Variants in PCDH11X observed in about 807,000 individuals in gnomAD.
The protein encoded by PCDH11X is protocadherin 11 X-linked.
In PCDH11X, 18 loss-of-function variants were observed where a neutral mutation model predicts 53.3. The observed-to-expected ratio is 0.34, with a 90% CI of 0.23 to 0.50. The LOEUF is 0.50. Among genes scored for constraint, PCDH11X ranks in the 20% least tolerant of loss-of-function variants. The probability of loss-of-function intolerance (pLI) is 0.98; values close to 1 mark genes in which losing one functional copy is unlikely to be tolerated. For synonymous variants in PCDH11X, 279 were observed against 393.3 expected (o/e 0.71, Z 3.44); for missense variants, 570 against 1,032.4 (o/e 0.55, Z 6.14).
intron 6 of PCDH11X, among the ~76,000 whole-genome samples, chrX:92,029,126 GCT>G (rs1320331401): frequency 2.7e-5 from 3 of 111,430 alleles, no homozygotes; most frequent in African/African-American, 9.8e-5. Flanking sequence ...TGAGAATGTG[GCT>G]CAGTTTGTTG....
At chrX:92,013,832 G>A (rs1023952988) in intron 6 of PCDH11X, among the ~76,000 whole-genome samples, 4 of 111,706 alleles carry the variant, frequency 3.6e-5, no homozygotes, top group Non-Finnish European at 7.5e-5. Context: ...CTAGCCATAC[G>A]TAGAAAGCTG....
rs374855856 is a variant in PCDH11X, at chrX:91,910,872, G to A, written c.3033+31599G>A. On this transcript the variant is annotated intron_variant, in intron 6 of 10. Coordinates refer to ENST00000682573, the MANE Select transcript of PCDH11X (RefSeq NM_032968.5). ...TTAATAATACATGGCAGATAAGCTA[G>A]CTTTTTTATATTATTCATCATTATG... is the stretch of plus-strand genomic sequence containing the variant. Among the ~76,000 whole-genome samples, 4 of 110,673 alleles carry A rather than the reference G, an allele frequency of 3.6e-5. No homozygotes were observed. The East Asian group carries it at 1.1e-3, about 31-fold the overall frequency.
intron 9 of PCDH11X, among the ~76,000 whole-genome samples, chrX:92,411,437 C>T (rs1473274699): frequency 9.2e-6 from 1 of 108,769 alleles, no homozygotes; most frequent in Non-Finnish European, 1.9e-5. Flanking sequence ...TTCCCACCAA[C>T]CCCCCAACAG....
chrX:92,175,803 C>T (rs928529025), intron 6 of PCDH11X, among the ~76,000 whole-genome samples: 9 of 94,723 alleles, frequency 9.5e-5, no homozygotes, highest in East Asian at 3.6e-4. Flanking sequence ...CACACACACA[C>T]AGAGAGAGAG....
At chrX:92,433,981 A>C (rs1477133355) in intron 9 of PCDH11X, among the ~76,000 whole-genome samples, 1 of 110,366 alleles carries the variant, frequency 9.1e-6, no homozygotes. Flanking sequence ...CTTTGCCTAG[A>C]GTAAGCTACT....
At chrX:91,918,558 G>A in intron 6 of PCDH11X, among the ~76,000 whole-genome samples, 1 of 110,777 alleles carries the variant, frequency 9.0e-6, no homozygotes, top group African/African-American at 3.3e-5. Flanking sequence ...CAATAAGTTA[G>A]GTGTAGACTA....
chrX:92,411,274 T>G (rs1416535100), intron 9 of PCDH11X, among the ~76,000 whole-genome samples: 1 of 111,148 alleles, frequency 9.0e-6, no homozygotes, highest in Admixed American at 9.6e-5. Flanking sequence ...ACTTTTAAAA[T>G]TTTACTTTAA....
intron 6 of PCDH11X, chrX:91,883,887 A>C (rs1940060849): frequency 2.7e-6 from 2 of 751,316 alleles, no homozygotes; most frequent in Non-Finnish European, 3.1e-6. Context: ...CACTCCTTTT[A>C]ATTATTAAAA....
intron 4 of PCDH11X, among the ~76,000 whole-genome samples, chrX:91,824,106 C>T (rs1437288558): frequency 1.2e-3 from 133 of 111,436 alleles, no homozygotes; most frequent in Non-Finnish European, 1.5e-3. Flanking sequence ...CTGCCCTTAA[C>T]ATTTTTTCCT....
At chrX:92,534,308 T>C (rs941279522) in intron 10 of PCDH11X, among the ~76,000 whole-genome samples, 4 of 110,686 alleles carry the variant, frequency 3.6e-5, no homozygotes, top group Non-Finnish European at 5.7e-5. Flanking sequence ...GTATTAGTGA[T>C]TGAAGATCAA....
At chrX:91,935,212 A>C (rs1351504438) in intron 6 of PCDH11X, among the ~76,000 whole-genome samples, 1 of 109,923 alleles carries the variant, frequency 9.1e-6, no homozygotes, top group Non-Finnish European at 1.9e-5. Context: ...ATTGTTTAAA[A>C]AGGAAATATG....
At chrX:91,999,108 C>G in intron 6 of PCDH11X, among the ~76,000 whole-genome samples, 1 of 109,344 alleles carries the variant, frequency 9.1e-6, no homozygotes, top group Non-Finnish European at 1.9e-5. Flanking sequence ...AAAGATGGAG[C>G]CTCACTGTGT....
At chrX:92,264,187 G>A (rs906978962) in intron 8 of PCDH11X, among the ~76,000 whole-genome samples, 5 of 112,318 alleles carry the variant, frequency 4.5e-5, no homozygotes, top group Non-Finnish European at 9.4e-5. Flanking sequence ...TATCAAGTGT[G>A]AGAATTAATG....
chrX:92,481,699 C>CT (rs1298114628), intron 10 of PCDH11X, among the ~76,000 whole-genome samples: 1 of 111,764 alleles, frequency 8.9e-6, no homozygotes, highest in Non-Finnish European at 1.9e-5. Context: ...CAAGTCAAGC[C>CT]TGGGGGGTGA....
intron 10 of PCDH11X, among the ~76,000 whole-genome samples, chrX:92,516,601 T>G (rs2074273482): frequency 8.9e-6 from 1 of 112,543 alleles, no homozygotes; most frequent in Non-Finnish European, 1.9e-5. Context: ...ATCATATAAT[T>G]AAACTATAGT....
Position 92,540,304 on chromosome X carries a change from T to C in PCDH11X, c.3367+71982T>C, listed in dbSNP as rs531514248. Among the ~76,000 whole-genome samples, 15 of 109,384 alleles carry C rather than the reference T, an allele frequency of 1.4e-4. No individual in the cohort carries two copies. The South Asian group carries it at 6.1e-3, about 44-fold the overall frequency. The allele number at this position is 109,384 out of a possible 115,157, so 95.0% of individuals were successfully genotyped here. A position where few individuals can be genotyped will look rare whatever the true frequency, so the allele number is the denominator to read the frequency against. ...GTCCTTCCTGCTTTTCCCTCCTCTT[T>C]CCACAGGCAGAGGAACCCCTCCCTG... On this transcript the variant is annotated intron_variant, in intron 10 of 10. Transcript: ENST00000682573.
intron 1 of PCDH11X, among the ~76,000 whole-genome samples, chrX:91,803,671 T>C (rs913275263): frequency 9.9e-5 from 11 of 111,522 alleles, no homozygotes; most frequent in African/African-American, 2.9e-4. Flanking sequence ...TAACAGTGCA[T>C]ATATCATAAG....
chrX:91,922,855 G>T (rs1465934848), intron 6 of PCDH11X, among the ~76,000 whole-genome samples: 1 of 110,641 alleles, frequency 9.0e-6, no homozygotes, highest in East Asian at 2.9e-4. Flanking sequence ...AATCACTTTT[G>T]CAGCATATAA....
rs5941070 is a variant in PCDH11X at position 92,312,599 on chromosome X, A to T, written c.3144+49456A>T. 9.1e-3 allele frequency among the ~76,000 whole-genome samples: 1,007 copies of T among 110,663 alleles called. 10 individuals are homozygous for T. The highest frequency in any genetic ancestry group is 0.013 in the Non-Finnish European group (700 of 52,840). Reference sequence around the variant, plus strand: ...TTACTACACAAGAACACATGCAAAAAGGACAAGTACCTATCTAAAATTGTT... The same window carrying T: ...TTACTACACAAGAACACATGCAAAATGGACAAGTACCTATCTAAAATTGTT... On this transcript the variant is annotated intron_variant, in intron 8 of 10. Transcript: ENST00000682573.
Sources: allele counts gnomAD v4.1 joint callset (sites outside exome capture counted in the v4.1 genomes callset), GRCh38; gene constraint gnomAD v4.1.1; transcripts MANE v1.5; gene names NCBI Gene and HGNC (gene_info 2026-07-23, HGNC 2026-07-21).